The following RORB variants were observed in gnomAD, a reference collection of about 807,000 sequenced individuals.
The protein encoded by RORB is nuclear receptor ROR-beta.
Under a neutral mutation model 59.1 loss-of-function variants are expected in RORB, and 6 were observed. That is an observed-to-expected ratio of 0.10 (90% CI 0.06 to 0.20). RORB has a LOEUF of 0.20. Among genes scored for constraint, RORB ranks in the 10% least tolerant of loss-of-function variants. The pLI, the probability that RORB is intolerant of heterozygous loss-of-function variation, is 1.00. For missense variants in RORB, 320 were observed against 560.5 expected (o/e 0.57, Z 4.33); for synonymous variants, 215 against 204.5 (o/e 1.05, Z -0.44).
chr9:74,671,499 C>G (rs1824345321), intron 8 of RORB, among the ~76,000 whole-genome samples: 1 of 152,092 alleles, frequency 6.6e-6, no homozygotes, highest in Non-Finnish European at 1.5e-5. Context: ...ATGTCCAAAG[C>G]AAAGAGTGAG....
intron 1 of RORB, among the ~76,000 whole-genome samples, chr9:74,573,986 G>A (rs1187886264): frequency 6.6e-6 from 1 of 152,114 alleles, no homozygotes; most frequent in African/African-American, 2.4e-5. Context: ...CTCGGAATGC[G>A]TGGGAGGCCA....
At chr9:74,676,592 G>A (rs900447593) in intron 9 of RORB, among the ~76,000 whole-genome samples, 10 of 152,200 alleles carry the variant, frequency 6.6e-5, no homozygotes, top group African/African-American at 2.2e-4. Flanking sequence ...GGAATCATGG[G>A]CCACACCACA....
At chr9:74,678,179 A>G (rs552041741) in intron 9 of RORB, among the ~76,000 whole-genome samples, 2 of 152,336 alleles carry the variant, frequency 1.3e-5, no homozygotes, top group East Asian at 3.9e-4. Context: ...TATCTTGCCT[A>G]ACGTTAAGCA....
At chr9:74,508,152 A>G (rs1352364337) in intron 1 of RORB, among the ~76,000 whole-genome samples, 2 of 151,958 alleles carry the variant, frequency 1.3e-5, no homozygotes, top group Non-Finnish European at 2.9e-5. Context: ...TTGCATATAT[A>G]CTTTCATTCT....
At chr9:74,536,846 G>C (rs1826329491) in intron 1 of RORB, among the ~76,000 whole-genome samples, 1 of 151,794 alleles carries the variant, frequency 6.6e-6, no homozygotes, top group Non-Finnish European at 1.5e-5. Flanking sequence ...TTAACTTGCA[G>C]AGAGAGAGAG....
In RORB at chr9:74,606,932, T is replaced by A. The variant is rs975837252; in HGVS notation, c.8-23350T>A. On this transcript the variant is annotated intron_variant, in intron 1 of 9. Coordinates refer to ENST00000376896, the MANE Select transcript of RORB (RefSeq NM_006914.4). Reference sequence around the variant, plus strand: ...AAGCAGGTATTCTATTTGTTGTTGTTCTTGTTGTTGTGATAACCACAATGG... The same window carrying A: ...AAGCAGGTATTCTATTTGTTGTTGTACTTGTTGTTGTGATAACCACAATGG... Among the ~76,000 whole-genome samples the A allele has an allele frequency of 5.9e-5, 9 of 152,218 alleles. No homozygotes were observed. In the East Asian group the frequency reaches 1.3e-3, roughly 23 times the overall value.
chr9:74,658,920 GT>G (rs1239594268), intron 4 of RORB, among the ~76,000 whole-genome samples: 1 of 152,180 alleles, frequency 6.6e-6, no homozygotes, highest in African/African-American at 2.4e-5. Context: ...ATCCAATAGA[GT>G]AGAGCTATCA....
At chr9:74,581,543 G>A (rs1822723065) in intron 1 of RORB, among the ~76,000 whole-genome samples, 1 of 152,162 alleles carries the variant, frequency 6.6e-6, no homozygotes, top group Non-Finnish European at 1.5e-5. Flanking sequence ...CTTTTGGAAG[G>A]TGTCTCCACC....
intron 1 of RORB, among the ~76,000 whole-genome samples, chr9:74,624,976 T>C (rs1260860787): frequency 6.6e-6 from 1 of 151,960 alleles, no homozygotes; most frequent in African/African-American, 2.4e-5. Flanking sequence ...AGTCTGTGTC[T>C]AGGAATACAG....
intron 4 of RORB, among the ~76,000 whole-genome samples, chr9:74,655,340 A>G (rs1227281818): frequency 6.6e-6 from 1 of 152,184 alleles, no homozygotes; most frequent in Non-Finnish European, 1.5e-5. Flanking sequence ...TATCTGGGCA[A>G]TATTCCTGTT....
intron 9 of RORB, among the ~76,000 whole-genome samples, chr9:74,674,925 A>C (rs1364958624): frequency 6.6e-6 from 1 of 152,214 alleles, no homozygotes; most frequent in Non-Finnish European, 1.5e-5. Flanking sequence ...ATATGACTAA[A>C]GATATACCAA....
intron 1 of RORB, among the ~76,000 whole-genome samples, chr9:74,592,788 C>A (rs534340204): frequency 6.6e-6 from 1 of 152,266 alleles, no homozygotes; most frequent in African/African-American, 2.4e-5. Flanking sequence ...ATTGTCAAAA[C>A]AAGCAATTAT....
intron 1 of RORB, among the ~76,000 whole-genome samples, chr9:74,557,609 G>T (rs184659119): frequency 2.0e-5 from 3 of 152,238 alleles, no homozygotes; most frequent in Non-Finnish European, 4.4e-5. Flanking sequence ...CAATACTTAT[G>T]ATTTGGACTA....
chr9:74,549,261 C>G (rs6560395), intron 1 of RORB, among the ~76,000 whole-genome samples: 1 of 151,522 alleles, frequency 6.6e-6, no homozygotes, highest in Non-Finnish European at 1.5e-5. Context: ...GCCTGGCTAA[C>G]ACGGTGAAAC....
rs1823647774 is a variant in RORB, at chr9:74,633,174, G to A, written c.94-1457G>A. On this transcript the variant is annotated intron_variant, in intron 2 of 9. Coordinates refer to ENST00000376896, the MANE Select transcript of RORB (RefSeq NM_006914.4). ...ACAGATCCTTTCTTTAAACTATTGG[G>A]TATTTTTGCATTAATGTAGATTTTT... Among the ~76,000 whole-genome samples, 3 of 152,132 alleles carry A rather than the reference G, an allele frequency of 2.0e-5. No individual in the cohort carries two copies. The South Asian group carries it at 6.2e-4, about 32-fold the overall frequency.
rs147372175 is a variant in RORB at position 74,566,771 on chromosome 9, T to C, written c.8-63511T>C. On this transcript the variant is annotated intron_variant, in intron 1 of 9. Transcript: ENST00000376896. ...GAGATGGTGCCACTGCGCTCCAACCTGGAAACAGGGCGAGATTCCATCTCA... is the reference window on the plus strand; with the variant it reads ...GAGATGGTGCCACTGCGCTCCAACCCGGAAACAGGGCGAGATTCCATCTCA... 4.0e-3 allele frequency among the ~76,000 whole-genome samples: 614 copies of C among 152,304 alleles called. 10 individuals are homozygous for C. The highest frequency in any genetic ancestry group is 0.014 in the African/African-American group (571 of 41,558).
At position 74,499,481 on chromosome 9, in the gene RORB, T is replaced by TG. The variant is rs759400492; in HGVS notation, c.7+1503dup. 3.6e-4 allele frequency among the ~76,000 whole-genome samples: 54 copies of TG among 152,048 alleles called. 1 individual carries two copies. The highest frequency in any genetic ancestry group is 6.5e-4 in the Non-Finnish European group (44 of 67,954). On this transcript the variant is annotated intron_variant, in intron 1 of 9. Coordinates refer to ENST00000376896, the MANE Select transcript of RORB (RefSeq NM_006914.4). The stretch of plus-strand genomic sequence containing the variant: ...AGAAGGAACGGAGAGAGACTGTCCA[T>TG]GGGGGAGGGGGTTGACTGTAGATAA...
chr9:74,646,548 G>A (rs913845246), intron 4 of RORB, among the ~76,000 whole-genome samples: 2 of 152,168 alleles, frequency 1.3e-5, no homozygotes, highest in African/African-American at 4.8e-5. Flanking sequence ...ATCATTTCAT[G>A]CATTTTAGTC....
chr9:74,513,698 G>A (rs1040251275), intron 1 of RORB, among the ~76,000 whole-genome samples: 2 of 152,016 alleles, frequency 1.3e-5, no homozygotes, highest in Non-Finnish European at 2.9e-5. Flanking sequence ...TGAATTCAAG[G>A]AGAAAGTAGA....
Sources: gnomAD v4.1 joint callset for allele counts (sites outside exome capture counted in the v4.1 genomes callset) on GRCh38, gnomAD v4.1.1 for gene constraint, MANE v1.5 for transcripts, NCBI Gene and HGNC (gene_info 2026-07-23, HGNC 2026-07-21) for gene names.